CNTN5: variants seen among roughly 807,000 people sequenced by gnomAD.
CNTN5 encodes contactin-5.
Under a neutral mutation model 129.1 loss-of-function variants are expected in CNTN5, and 77 were observed. The ratio of observed to expected loss-of-function variants is 0.60; its 90% CI spans 0.50 to 0.72. CNTN5 has a LOEUF of 0.72. Among genes scored for constraint, CNTN5 ranks in the 30% least tolerant of loss-of-function variants. The pLI is 0.00. For synonymous variants in CNTN5, 509 were observed against 465.6 expected (o/e 1.09, Z -1.20); for missense variants, 1,478 against 1,328.8 (o/e 1.11, Z -1.75).
chr11:100,043,096 C>G (rs1006846704), intron 9 of CNTN5, among the ~76,000 whole-genome samples: 1 of 152,076 alleles, frequency 6.6e-6, no homozygotes. Context: ...TTGGATAATA[C>G]CATAATTTTA....
At chr11:99,884,149 A>G (rs1156929201) in intron 6 of CNTN5, among the ~76,000 whole-genome samples, 4 of 152,190 alleles carry the variant, frequency 2.6e-5, no homozygotes, top group Non-Finnish European at 5.9e-5. Context: ...CAGAAATTCT[A>G]TATAGACCTC....
intron 4 of CNTN5, among the ~76,000 whole-genome samples, chr11:99,826,522 G>C (rs1052901666): frequency 2.6e-5 from 4 of 152,094 alleles, no homozygotes; most frequent in African/African-American, 9.7e-5. Context: ...ATAGAATAGA[G>C]GCATCAAATT....
chr11:99,733,965 G>A (rs1029422250), intron 3 of CNTN5, among the ~76,000 whole-genome samples: 25 of 152,176 alleles, frequency 1.6e-4, no homozygotes, highest in African/African-American at 5.3e-4. Context: ...GGCACCTGCA[G>A]CTGAAGGAAG....
chr11:99,528,997 C>A (rs971828764), intron 2 of CNTN5, among the ~76,000 whole-genome samples: 1 of 152,172 alleles, frequency 6.6e-6, no homozygotes, highest in East Asian at 1.9e-4. Flanking sequence ...ATTGCTTGAA[C>A]CTGGGAGGCA....
intron 3 of CNTN5, chr11:99,558,263 T>C (rs1948736898): frequency 2.4e-6 from 1 of 415,874 alleles, no homozygotes; most frequent in African/African-American, 2.1e-5. Context: ...ATCTTCTCAA[T>C]GTCATTTTCC....
At chr11:99,175,951 C>T (rs1409507097) in intron 1 of CNTN5, among the ~76,000 whole-genome samples, 1 of 152,130 alleles carries the variant, frequency 6.6e-6, no homozygotes, top group Non-Finnish European at 1.5e-5. Context: ...AGTGATACTA[C>T]ACCACAACTC....
intron 13 of CNTN5, among the ~76,000 whole-genome samples, chr11:100,095,853 T>C (rs1260380041): frequency 1.3e-5 from 2 of 152,100 alleles, no homozygotes; most frequent in African/African-American, 2.4e-5. Context: ...ACAGATAACA[T>C]GTCTCCATTA....
chr11:99,813,031 C>A (rs1194297646), intron 3 of CNTN5, among the ~76,000 whole-genome samples: 1 of 150,660 alleles, frequency 6.6e-6, no homozygotes, highest in Admixed American at 6.6e-5. Flanking sequence ...TTGGTAAAAT[C>A]CTCCACCAAT....
intron 1 of CNTN5, among the ~76,000 whole-genome samples, chr11:99,052,343 T>C (rs879106851): frequency 6.6e-6 from 1 of 151,876 alleles, no homozygotes; most frequent in Admixed American, 6.6e-5. Flanking sequence ...CACATATATA[T>C]GGTCATCCCA....
chr11:99,592,429 T>C (rs1243895546), intron 3 of CNTN5, among the ~76,000 whole-genome samples: 3 of 151,986 alleles, frequency 2.0e-5, no homozygotes, highest in Non-Finnish European at 4.4e-5. Context: ...AAAGAAATGA[T>C]CTAAACATGA....
intron 1 of CNTN5, among the ~76,000 whole-genome samples, chr11:99,073,242 G>GAT (rs1865411527): frequency 6.6e-6 from 1 of 150,878 alleles, no homozygotes; most frequent in Admixed American, 6.6e-5. Flanking sequence ...ATCCCAAAGG[G>GAT]AGATGGTTGA....
At chr11:99,809,377 G>A (rs1040957667) in intron 3 of CNTN5, among the ~76,000 whole-genome samples, 1 of 152,068 alleles carries the variant, frequency 6.6e-6, no homozygotes. Context: ...ACTCCTTGAA[G>A]GCAAAGATTG....
At chr11:99,375,189 G>C (rs1454682004) in intron 2 of CNTN5, among the ~76,000 whole-genome samples, 2 of 151,286 alleles carry the variant, frequency 1.3e-5, no homozygotes, top group African/African-American at 4.8e-5. Flanking sequence ...TGTGATCCCA[G>C]CTACTCGGGA....
chr11:100,034,691 A>G (rs532304166), intron 9 of CNTN5, among the ~76,000 whole-genome samples: 2 of 152,278 alleles, frequency 1.3e-5, no homozygotes, highest in African/African-American at 4.8e-5. Flanking sequence ...TCACTCTACA[A>G]TGGCAGCCTT....
At position 99,052,425 on chromosome 11, in the gene CNTN5, T is replaced by C. The variant is rs1421022914; in HGVS notation, c.-210+31155T>C. 2.6e-5 allele frequency among the ~76,000 whole-genome samples: 4 copies of C among 152,008 alleles called. No individual in the cohort carries two copies. The East Asian group carries it at 7.7e-4, about 29-fold the overall frequency. ...TATATTTTATTATAATACAAATACT[T>C]AATGTGTTATAACTGTCTACAGTAT... On this transcript the variant is annotated intron_variant, in intron 1 of 24. Transcript: ENST00000524871.
intron 6 of CNTN5, among the ~76,000 whole-genome samples, chr11:99,900,377 C>A (rs1378560925): frequency 1.3e-5 from 2 of 151,900 alleles, no homozygotes; most frequent in South Asian, 2.1e-4. Context: ...GGAAAAAAAA[C>A]ACATTTGATC....
intron 8 of CNTN5, among the ~76,000 whole-genome samples, chr11:99,989,890 C>T (rs760598794): frequency 5.3e-5 from 8 of 152,070 alleles, no homozygotes; most frequent in Admixed American, 6.5e-5. Context: ...CTCAGCCTCC[C>T]GAGTAGCTGG....
intron 3 of CNTN5, among the ~76,000 whole-genome samples, chr11:99,579,223 G>A (rs963782898): frequency 1.3e-5 from 2 of 152,044 alleles, no homozygotes; most frequent in Non-Finnish European, 2.9e-5. Flanking sequence ...TGCTGTTTTG[G>A]TTACTGTAGC....
At position 99,024,318 on chromosome 11, in the gene CNTN5, TTTAG is replaced by T. The variant is rs1242693492; in HGVS notation, c.-210+3052_-210+3055del. 1.1e-4 allele frequency among the ~76,000 whole-genome samples: 17 copies of T among 152,250 alleles called. No individual in the cohort carries two copies. The East Asian group carries it at 1.3e-3, about 12-fold the overall frequency. The stretch of plus-strand genomic sequence containing the variant: ...TTTTTTCCAGACACTTAAACAGTGT[TTTAG>T]TTAATTATTTTATTTAAATTGAATG... On this transcript the variant is annotated intron_variant, in intron 1 of 24. Coordinates refer to ENST00000524871, the MANE Select transcript of CNTN5 (RefSeq NM_014361.4).
Sources: gnomAD v4.1 joint callset for allele counts (sites outside exome capture counted in the v4.1 genomes callset) on GRCh38, gnomAD v4.1.1 for gene constraint, MANE v1.5 for transcripts, NCBI Gene and HGNC (gene_info 2026-07-23, HGNC 2026-07-21) for gene names.